Variants in GTF2F2 observed in about 807,000 individuals in gnomAD.
The protein encoded by GTF2F2 is ATP-dependent helicase GTF2F2.
In GTF2F2, 23 loss-of-function variants were observed where a neutral mutation model predicts 42.2. That is an observed-to-expected ratio of 0.55 (90% CI 0.39 to 0.77). The LOEUF (loss-of-function observed/expected upper bound fraction) is 0.77. Ranked by LOEUF, GTF2F2 falls within the 30% of genes least tolerant of loss-of-function variation. The pLI is 0.00. For missense variants in GTF2F2, 261 were observed against 287.2 expected (o/e 0.91, Z 0.66); for synonymous variants, 105 against 100.8 (o/e 1.04, Z -0.25).
chr13:45,262,260 G>A (rs1198151548), intron 6 of GTF2F2, among the ~76,000 whole-genome samples: 1 of 152,082 alleles, frequency 6.6e-6, no homozygotes, highest in South Asian at 2.1e-4. Context: ...TGTAGTTCCA[G>A]CTACTTGGGA....
intron 7 of GTF2F2, 102 bp downstream of exon 7, chr13:45,267,478 T>C (rs1483479675): frequency 2.7e-6 from 2 of 745,438 alleles, no homozygotes; most frequent in East Asian, 5.8e-5. Flanking sequence ...TTACCTATGC[T>C]AATGACTAAT....
intron 1 of GTF2F2, among the ~76,000 whole-genome samples, chr13:45,125,115 C>G (rs1273976349): frequency 1.3e-5 from 2 of 152,184 alleles, no homozygotes; most frequent in African/African-American, 4.8e-5. Flanking sequence ...AGGAACTTAA[C>G]ATTTCTTGTG....
At chr13:45,136,956 G>A (rs747342377) in intron 2 of GTF2F2, 150 bp downstream of exon 2, 2 of 606,420 alleles carry the variant, frequency 3.3e-6, no homozygotes, top group Non-Finnish European at 5.9e-6. Context: ...ATGGTTAGGT[G>A]CCCTGTAAGG....
chr13:45,124,858 C>T lies in GTF2F2; in HGVS notation c.66+4137C>T, dbSNP rs1388246199. On this transcript the variant is annotated intron_variant, in intron 1 of 7. Coordinates refer to ENST00000340473, the MANE Select transcript of GTF2F2 (RefSeq NM_004128.3). ...GGATTACAGGCATGAGCCACTGTGC[C>T]CAGCCAAGACAGGGTTTCACCATGT... Among the ~76,000 whole-genome samples, 3 of 152,144 alleles carry T rather than the reference C, an allele frequency of 2.0e-5. 1 individual carries two copies. The highest frequency in any genetic ancestry group is 4.4e-5 in the Non-Finnish European group (3 of 68,020).
Position 45,194,131 on chromosome 13 carries a change from G to A in GTF2F2, c.305-13293G>A. 6 of 1,614,070 alleles carry A rather than the reference G, an allele frequency of 3.7e-6. No homozygotes were observed. In the South Asian group the frequency reaches 5.5e-5, roughly 15 times the overall value. On this transcript the variant is annotated intron_variant, in intron 4 of 7. Transcript: ENST00000340473. ...TCCTTGTGAACGATCGTGGTTATCTGTTATTTCCAAGAAAGTAGTCTCTCT... is the reference window on the plus strand; with the variant it reads ...TCCTTGTGAACGATCGTGGTTATCTATTATTTCCAAGAAAGTAGTCTCTCT...
At chr13:45,194,483 T>G in intron 4 of GTF2F2, 5 of 1,614,200 alleles carry the variant, frequency 3.1e-6, no homozygotes, top group Non-Finnish European at 4.2e-6. Flanking sequence ...GATTTGCAGT[T>G]CTTTCCTTGA....
At chr13:45,260,374 A>G (rs1416132434) in intron 6 of GTF2F2, among the ~76,000 whole-genome samples, 1 of 152,234 alleles carries the variant, frequency 6.6e-6, no homozygotes, top group Non-Finnish European at 1.5e-5. Context: ...CAAAGGACTG[A>G]CCAATTCTAA....
chr13:45,255,779 T>A (rs1876078717), intron 6 of GTF2F2, among the ~76,000 whole-genome samples: 1 of 152,332 alleles, frequency 6.6e-6, no homozygotes, highest in East Asian at 1.9e-4. Context: ...ACCTTTTTTA[T>A]CCTTTTATGG....
intron 4 of GTF2F2, among the ~76,000 whole-genome samples, chr13:45,175,194 A>G (rs1036891950): frequency 6.6e-6 from 1 of 152,126 alleles, no homozygotes; most frequent in South Asian, 2.1e-4. Context: ...AACATATGAT[A>G]TTTGTCTTTC....
chr13:45,259,121 G>C (rs1383699262), intron 6 of GTF2F2, among the ~76,000 whole-genome samples: 2 of 151,968 alleles, frequency 1.3e-5, no homozygotes, highest in African/African-American at 4.8e-5. Flanking sequence ...GAATCACCTG[G>C]GAAGCTTTTA....
At chr13:45,178,880 C>A (rs1392457608) in intron 4 of GTF2F2, among the ~76,000 whole-genome samples, 1 of 152,106 alleles carries the variant, frequency 6.6e-6, no homozygotes, top group Non-Finnish European at 1.5e-5. Flanking sequence ...CTGCATTCAG[C>A]TGGGGGGTTG....
chr13:45,189,806 T>C (rs1872555935), intron 4 of GTF2F2, among the ~76,000 whole-genome samples: 1 of 151,878 alleles, frequency 6.6e-6, no homozygotes, highest in Admixed American at 6.6e-5. Flanking sequence ...CAAAAATCAA[T>C]GGGTTGCAAA....
chr13:45,136,916 A>G, intron 2 of GTF2F2, 110 bp downstream of exon 2: 1 of 683,602 alleles, frequency 1.5e-6, no homozygotes, highest in Non-Finnish European at 2.6e-6. Context: ...GAAAATGACA[A>G]GTAATGAGCA....
chr13:45,214,451 T>A (rs1873812062), intron 5 of GTF2F2, among the ~76,000 whole-genome samples: 1 of 152,144 alleles, frequency 6.6e-6, no homozygotes, highest in Non-Finnish European at 1.5e-5. Context: ...CCTGCAAGAC[T>A]CCAGTTAGCC....
At chr13:45,226,171 C>T (rs573992242) in intron 5 of GTF2F2, among the ~76,000 whole-genome samples, 2 of 152,132 alleles carry the variant, frequency 1.3e-5, no homozygotes, top group South Asian at 4.2e-4. Context: ...TATTTATAAT[C>T]ATGTATCCTT....
chr13:45,149,004 CT>C (rs1870344786), intron 2 of GTF2F2, among the ~76,000 whole-genome samples: 1 of 151,958 alleles, frequency 6.6e-6, no homozygotes, highest in African/African-American at 2.4e-5. Context: ...AATTTAATAA[CT>C]TGATCTTTAA....
intron 6 of GTF2F2, among the ~76,000 whole-genome samples, chr13:45,254,905 G>A (rs1307278239): frequency 2.0e-5 from 3 of 152,030 alleles, no homozygotes; most frequent in Non-Finnish European, 2.9e-5. Flanking sequence ...GGTGGCTCAC[G>A]CCTGTAATCC....
chr13:45,219,359 A>C (rs1566139245), intron 5 of GTF2F2: 1 of 152,208 alleles, frequency 6.6e-6, no homozygotes. Flanking sequence ...GCTTATTCGT[A>C]GGAAAAGAGA....
intron 4 of GTF2F2, among the ~76,000 whole-genome samples, chr13:45,202,137 A>G (rs1172198221): frequency 6.6e-6 from 1 of 152,158 alleles, no homozygotes; most frequent in Non-Finnish European, 1.5e-5. Context: ...CTGTAATCCT[A>G]GCACTTTGGG....
Sources: allele counts gnomAD v4.1 joint callset (sites outside exome capture counted in the v4.1 genomes callset), GRCh38; gene constraint gnomAD v4.1.1; transcripts MANE v1.5; gene names NCBI Gene and HGNC (gene_info 2026-07-23, HGNC 2026-07-21).